Variants in ERGIC1 observed in about 807,000 individuals in gnomAD.
ERGIC1 encodes the protein endoplasmic reticulum-golgi intermediate compartment 1, also known as endoplasmic reticulum-Golgi intermediate compartment protein 1.
In ERGIC1, 19 loss-of-function variants were observed where a neutral mutation model predicts 38.3. The ratio of observed to expected loss-of-function variants is 0.50; its 90% CI spans 0.35 to 0.73. ERGIC1 has a LOEUF of 0.73. Ranked by LOEUF, ERGIC1 falls within the 30% of genes least tolerant of loss-of-function variation. The probability of loss-of-function intolerance (pLI) is 0.01; values close to 1 mark genes in which losing one functional copy is unlikely to be tolerated. For missense variants in ERGIC1, 294 were observed against 389.2 expected, an observed-to-expected ratio of 0.76 and a Z score of 2.06; for synonymous variants, 124 against 157.6, an observed-to-expected ratio of 0.79 and a Z score of 1.60.
rs748425641 is a variant in ERGIC1 at position 172,924,124 on chromosome 5, C to A, written c.480+15C>A. ...ACACGCTACAGGTGAGCAGGGGACA[C>A]TCGAGATGGCATGGCCGGGGGTGGG... On this transcript the variant is annotated intron_variant, in intron 6 of 9. Coordinates refer to ENST00000393784, the MANE Select transcript of ERGIC1 (RefSeq NM_001031711.3). 4.3e-6 allele frequency: 7 copies of A among 1,612,512 alleles called. No individual in the cohort carries two copies. In the South Asian group the frequency reaches 5.5e-5, roughly 13 times the overall value.
intron 9 of ERGIC1, among the ~76,000 whole-genome samples, chr5:172,947,266 G>T (rs1764143957): frequency 6.6e-6 from 1 of 151,856 alleles, no homozygotes; most frequent in Admixed American, 6.6e-5. Context: ...CTCACTGCAG[G>T]CTTGACCTCC....
intron 2 of ERGIC1, 100 bp from the exon 3 acceptor site, chr5:172,896,902 C>A: frequency 5.4e-6 from 6 of 1,120,028 alleles, no homozygotes; most frequent in Non-Finnish European, 8.0e-6. Flanking sequence ...CACAGCCCCA[C>A]ACCCTTGTCC....
chr5:172,898,136 C>T (rs1762771713), intron 3 of ERGIC1: 1 of 372,458 alleles, frequency 2.7e-6, no homozygotes, highest in Non-Finnish European at 4.8e-6. Flanking sequence ...CACTCTCCTG[C>T]TCAACACTGG....
intron 1 of ERGIC1, among the ~76,000 whole-genome samples, chr5:172,884,315 C>T (rs1203830941): frequency 6.8e-6 from 1 of 147,152 alleles, no homozygotes; most frequent in African/African-American, 2.5e-5. Flanking sequence ...GTGCAAGGCT[C>T]ACCATAGCAT....
intron 1 of ERGIC1, among the ~76,000 whole-genome samples, chr5:172,861,035 C>T (rs1200912439): frequency 6.6e-6 from 1 of 152,174 alleles, no homozygotes; most frequent in Non-Finnish European, 1.5e-5. Context: ...GCTTCAAATC[C>T]ACCGCCGAAA....
At chr5:172,909,186 T>TTTTTTTTTTTTA (rs1763141521) in intron 3 of ERGIC1, among the ~76,000 whole-genome samples, 2 of 147,368 alleles carry the variant, frequency 1.4e-5, no homozygotes, top group African/African-American at 2.5e-5. Context: ...TTTTTTTTTT[T>TTTTTTTTTTTTA]GAGACGGAGT....
intron 5 of ERGIC1, chr5:172,920,498 G>A: frequency 2.8e-6 from 2 of 715,792 alleles, no homozygotes; most frequent in South Asian, 1.5e-5. Flanking sequence ...AGGGGTATGG[G>A]GCCTGGCTCC....
At chr5:172,865,008 T>C (rs933057792) in intron 1 of ERGIC1, among the ~76,000 whole-genome samples, 1 of 151,624 alleles carries the variant, frequency 6.6e-6, no homozygotes, top group Admixed American at 6.6e-5. Flanking sequence ...GAGGAAGTGA[T>C]CAAATGAAGG....
chr5:172,901,830 G>A (rs1762888271), intron 3 of ERGIC1, among the ~76,000 whole-genome samples: 1 of 152,084 alleles, frequency 6.6e-6, no homozygotes, highest in Admixed American at 6.6e-5. Flanking sequence ...CAAACTTCTG[G>A]GCTCAAGCAA....
chr5:172,944,007 G>A (rs1166771600), intron 9 of ERGIC1, among the ~76,000 whole-genome samples: 6 of 152,298 alleles, frequency 3.9e-5, no homozygotes, highest in Admixed American at 2.0e-4. Flanking sequence ...AGAAGCTGAC[G>A]GGACCCCTGG....
chr5:172,926,697 A>G lies in ERGIC1; in HGVS notation c.541+128A>G, dbSNP rs1388542666. On this transcript the variant is annotated intron_variant, in intron 7 of 9. Coordinates refer to ENST00000393784, the MANE Select transcript of ERGIC1 (RefSeq NM_001031711.3). This position sits in a 1 kb window ranked among gnomAD's most constrained non-coding sequence, Gnocchi z 5.2. ...CCAAGGCAGGGAGGCTGCTGCTCAC[A>G]CTCCATTCCCACAGCTAACCAGTGG... 3 of 998,384 alleles carry G rather than the reference A, an allele frequency of 3.0e-6. No homozygotes were observed. Among genetic ancestry groups the G allele is most frequent in the East Asian group, 2.5e-5 (1 of 39,890 alleles). The allele number at this position is 998,384 out of a possible 1,614,324, so 61.8% of individuals were successfully genotyped here.
At chr5:172,899,177 C>G (rs1190739147) in intron 3 of ERGIC1, among the ~76,000 whole-genome samples, 1 of 151,970 alleles carries the variant, frequency 6.6e-6, no homozygotes, top group Admixed American at 6.6e-5. Context: ...CAGGGATGAC[C>G]TGGTGTATGT....
At chr5:172,914,656 G>GC (rs1763307159) in intron 4 of ERGIC1, 58 bp from the exon 5 acceptor site, 1 of 1,613,244 alleles carries the variant, frequency 6.2e-7, no homozygotes, top group Non-Finnish European at 8.5e-7. Flanking sequence ...GAACAGGCTG[G>GC]CCCCCATCCT....
chr5:172,923,760 C>T (rs1763585790), intron 5 of ERGIC1, among the ~76,000 whole-genome samples: 1 of 152,196 alleles, frequency 6.6e-6, no homozygotes, highest in Non-Finnish European at 1.5e-5. Context: ...TCACATGCAC[C>T]CTCTCACCAG....
chr5:172,904,349 T>C (rs540323465), intron 3 of ERGIC1, among the ~76,000 whole-genome samples: 156 of 152,328 alleles, frequency 1.0e-3, no homozygotes, highest in African/African-American at 3.5e-3. Context: ...TATTCTGACT[T>C]CCATTGCCAT....
intron 1 of ERGIC1, among the ~76,000 whole-genome samples, chr5:172,854,536 A>G (rs1352636730): frequency 6.6e-6 from 1 of 152,208 alleles, no homozygotes; most frequent in African/African-American, 2.4e-5. Flanking sequence ...ACCCCCACCC[A>G]CCTACCCACA....
At chr5:172,947,633 C>T (rs1051152801) in intron 9 of ERGIC1, among the ~76,000 whole-genome samples, 5 of 152,210 alleles carry the variant, frequency 3.3e-5, no homozygotes, top group African/African-American at 1.2e-4. Flanking sequence ...CCTCAGGGTT[C>T]CCCCTTAGCC....
At chr5:172,858,069 G>C (rs1361010476) in intron 1 of ERGIC1, among the ~76,000 whole-genome samples, 1 of 152,158 alleles carries the variant, frequency 6.6e-6, no homozygotes, top group Admixed American at 6.5e-5. Flanking sequence ...GAGAAAAGCA[G>C]GGGGCTGTGA....
chr5:172,838,340 G>T (rs1761082150), intron 1 of ERGIC1, among the ~76,000 whole-genome samples: 1 of 152,152 alleles, frequency 6.6e-6, no homozygotes, highest in South Asian at 2.1e-4. Context: ...GCCAAGCATG[G>T]ACCCCCCTCT....
Sources: allele counts gnomAD v4.1 joint callset (sites outside exome capture counted in the v4.1 genomes callset), GRCh38; gene constraint gnomAD v4.1.1; non-coding constraint Gnocchi (gnomAD v3.1); transcripts MANE v1.5; gene names NCBI Gene and HGNC (gene_info 2026-07-23, HGNC 2026-07-21).